The following SLC13A1 variants were observed in gnomAD, a reference collection of about 807,000 sequenced individuals.
SLC13A1 encodes solute carrier family 13 member 1, also known as Na(+)/sulfate cotransporter.
SLC13A1 carries 65 observed loss-of-function variants against 70.0 expected under a neutral mutation model. The ratio of observed to expected loss-of-function variants is 0.93; its 90% CI spans 0.76 to 1.14. The LOEUF is 1.14. SLC13A1 is among the 50% of genes most tolerant of loss of function. The probability of loss-of-function intolerance (pLI) is 0.00; values close to 1 mark genes in which losing one functional copy is unlikely to be tolerated. For synonymous variants in SLC13A1, 275 were observed against 250.5 expected, an observed-to-expected ratio of 1.10 and a Z score of -0.92; for missense variants, 726 against 717.8, an observed-to-expected ratio of 1.01 and a Z score of -0.13.
chr7:123,172,340 G>A (rs374040834), intron 2 of SLC13A1, among the ~76,000 whole-genome samples: 1 of 152,160 alleles, frequency 6.6e-6, no homozygotes, highest in East Asian at 1.9e-4. Flanking sequence ...TTTTTATAAG[G>A]CCAGGCATGG....
intron 12 of SLC13A1, among the ~76,000 whole-genome samples, chr7:123,119,859 C>A (rs148989770): frequency 2.0e-5 from 3 of 152,032 alleles, no homozygotes; most frequent in African/African-American, 7.2e-5. Flanking sequence ...TTAATGTTTA[C>A]CCCTATGATT....
intron 6 of SLC13A1, among the ~76,000 whole-genome samples, chr7:123,160,733 T>C (rs527949437): frequency 1.4e-3 from 208 of 152,322 alleles, no homozygotes; most frequent in African/African-American, 4.5e-3. Flanking sequence ...AACTGTTATA[T>C]AGACCACAGT....
intron 11 of SLC13A1, 30 bp from the exon 12 acceptor site, chr7:123,123,265 T>C (rs1471651063): frequency 1.5e-6 from 2 of 1,320,156 alleles, no homozygotes; most frequent in Non-Finnish European, 2.2e-6. Context: ...CAGTTACACA[T>C]TGCTTAAAAT....
intron 8 of SLC13A1, among the ~76,000 whole-genome samples, chr7:123,130,187 C>G (rs1236841922): frequency 6.6e-6 from 1 of 152,084 alleles, no homozygotes; most frequent in Non-Finnish European, 1.5e-5. Flanking sequence ...CCATAAATAC[C>G]ATTTGACCCA....
rs1195748452 is a variant in SLC13A1, at chr7:123,168,413, A to G, written c.621T>C (p.Asn207=). 1.9e-6 allele frequency: 3 copies of G among 1,594,960 alleles called. No individual in the cohort carries two copies. Among genetic ancestry groups the G allele is most frequent in the South Asian group, 2.3e-5 (2 of 88,690 alleles). ...EKTKPVPGYN[N]DTGKISSKVE... is the part of the protein sequence containing the mutation. ...CCTTGCTTGAAATTTTCCCTGTATC[A>G]TTATTGTATCTGAAAAATACATTGA... The change falls in exon 6 of 15, where the codon AAT becomes AAC. Residue 207 remains asparagine, a synonymous_variant. Coordinates refer to ENST00000194130, the MANE Select transcript of SLC13A1 (RefSeq NM_022444.4).
rs764539209 is a variant in SLC13A1 at position 123,181,081 on chromosome 7, T to C, written c.120A>G (p.Thr40=). ...LHTKEAECAY[T]LFVVATFWLT... ...GCCAAAATGTGGCGACCACAAAGAG[T>C]GTGTAGGCACATTCTGCTTCCTGGT... The change falls in exon 2 of 15, where the codon ACA becomes ACG. Residue 40 remains threonine (T), a synonymous_variant. Coordinates refer to ENST00000194130, the MANE Select transcript of SLC13A1 (RefSeq NM_022444.4). The C allele has an allele frequency of 5.0e-6, 8 of 1,605,428 alleles. No individual in the cohort carries two copies. Among genetic ancestry groups the C allele is most frequent in the African/African-American group, 1.4e-5 (1 of 73,012 alleles).
chr7:123,184,341 A>G (rs1795731227), intron 1 of SLC13A1, among the ~76,000 whole-genome samples: 1 of 152,046 alleles, frequency 6.6e-6, no homozygotes, highest in Non-Finnish European at 1.5e-5. Context: ...TATTAACTAC[A>G]GTCACCATGT....
intron 12 of SLC13A1, among the ~76,000 whole-genome samples, chr7:123,121,578 C>A (rs1178854835): frequency 6.6e-6 from 1 of 151,992 alleles, no homozygotes; most frequent in Non-Finnish European, 1.5e-5. Context: ...ATAAATCCTG[C>A]ATGTTTAACC....
At chr7:123,148,208 C>T (rs1321301277) in intron 6 of SLC13A1, among the ~76,000 whole-genome samples, 1 of 152,090 alleles carries the variant, frequency 6.6e-6, no homozygotes, top group East Asian at 1.9e-4. Context: ...TTTTGATCTC[C>T]TGGTCACCCA....
At chr7:123,137,059 C>T (rs1346562461) in intron 7 of SLC13A1, among the ~76,000 whole-genome samples, 3 of 151,958 alleles carry the variant, frequency 2.0e-5, no homozygotes, top group Admixed American at 1.3e-4. Context: ...CGAAAGTATG[C>T]GGATTTTATT....
At chr7:123,140,472 T>C (rs566096341) in intron 7 of SLC13A1, among the ~76,000 whole-genome samples, 4 of 152,148 alleles carry the variant, frequency 2.6e-5, no homozygotes, top group Admixed American at 2.0e-4. Flanking sequence ...TTCCCTCCTA[T>C]ATTTTTGGAA....
chr7:123,143,080 A>G (rs1043528447), intron 7 of SLC13A1, among the ~76,000 whole-genome samples: 2 of 152,116 alleles, frequency 1.3e-5, no homozygotes, highest in African/African-American at 4.8e-5. Context: ...CTGAGCTGGT[A>G]TCCAAGATGC....
At chr7:123,157,029 C>G (rs1461780506) in intron 6 of SLC13A1, among the ~76,000 whole-genome samples, 2 of 152,096 alleles carry the variant, frequency 1.3e-5, no homozygotes, top group African/African-American at 4.8e-5. Flanking sequence ...AATCCACAAC[C>G]TCTGACCTCA....
chr7:123,119,403 G>A (rs1793298668), intron 12 of SLC13A1, among the ~76,000 whole-genome samples, 161 bp from the exon 13 acceptor site: 1 of 151,832 alleles, frequency 6.6e-6, no homozygotes, highest in Admixed American at 6.6e-5. Flanking sequence ...GGGTGGCTTT[G>A]GTAGGAAGGA....
intron 6 of SLC13A1, among the ~76,000 whole-genome samples, chr7:123,161,727 G>T (rs181953004): frequency 6.6e-6 from 1 of 152,154 alleles, no homozygotes; most frequent in Non-Finnish European, 1.5e-5. Flanking sequence ...TTGCTGTGGC[G>T]ACCAATCCAT....
At chr7:123,168,339 T>C in intron 6 of SLC13A1, 35 bp downstream of exon 6, 1 of 1,347,658 alleles carries the variant, frequency 7.4e-7, no homozygotes, top group South Asian at 1.3e-5. Context: ...TATAATTTTG[T>C]ATATAATTAT....
chr7:123,124,059 A>T (rs1239799818), intron 11 of SLC13A1, among the ~76,000 whole-genome samples: 1 of 152,224 alleles, frequency 6.6e-6, no homozygotes, highest in East Asian at 1.9e-4. Context: ...TCTTGTTAAA[A>T]TGTAAACATC....
chr7:123,129,254 C>T (rs3735438), intron 9 of SLC13A1, 129 bp downstream of exon 9: 26,088 of 800,376 alleles, frequency 0.033, 1,356 homozygotes, highest in East Asian at 0.17. Flanking sequence ...TTATAAATAC[C>T]TTGCAAGCAA....
At chr7:123,146,186 T>C (rs1214402631) in intron 7 of SLC13A1, among the ~76,000 whole-genome samples, 1 of 152,188 alleles carries the variant, frequency 6.6e-6, no homozygotes, top group Non-Finnish European at 1.5e-5. Flanking sequence ...ATTTTACATA[T>C]GAAAAAATTA....
Sources: gnomAD v4.1 joint callset for allele counts (sites outside exome capture counted in the v4.1 genomes callset) on GRCh38, gnomAD v4.1.1 for gene constraint, MANE v1.5 for transcripts, NCBI Gene and HGNC (gene_info 2026-07-23, HGNC 2026-07-21) for gene names.